FOXP2: variants seen among roughly 807,000 people sequenced by gnomAD.
The protein encoded by FOXP2 is forkhead box P2, also known as forkhead box protein P2.
A neutral mutation model predicts 115.8 loss-of-function variants in FOXP2; 12 were observed. That is an observed-to-expected ratio of 0.10 (90% CI 0.07 to 0.17). FOXP2 has a LOEUF of 0.17. Among genes scored for constraint, FOXP2 ranks in the 10% least tolerant of loss-of-function variants. The pLI is 1.00. For missense variants in FOXP2, 629 were observed against 843.5 expected (o/e 0.75, Z 3.15); for synonymous variants, 328 against 297.7 (o/e 1.10, Z -1.05).
intron 1 of FOXP2, among the ~76,000 whole-genome samples, chr7:114,237,764 A>G (rs1019581046): frequency 6.6e-6 from 1 of 152,064 alleles, no homozygotes; most frequent in Non-Finnish European, 1.5e-5. Context: ...ACTTGAGGCC[A>G]AGAGTTTGAG....
intron 2 of FOXP2, among the ~76,000 whole-genome samples, chr7:114,324,040 C>A (rs1045627295): frequency 1.3e-5 from 2 of 151,826 alleles, no homozygotes; most frequent in Admixed American, 1.3e-4. Context: ...ACTTTTAAAG[C>A]AAGAGATTGT....
At chr7:114,315,693 C>T (rs932925231) in intron 2 of FOXP2, among the ~76,000 whole-genome samples, 1 of 152,010 alleles carries the variant, frequency 6.6e-6, no homozygotes, top group African/African-American at 2.4e-5. Flanking sequence ...TCTGTGAAGT[C>T]ACCACAAACA....
intron 3 of FOXP2, among the ~76,000 whole-genome samples, chr7:114,594,092 G>GT (rs777104442): frequency 1.3e-4 from 19 of 151,862 alleles, no homozygotes; most frequent in Non-Finnish European, 2.7e-4. Context: ...AAAAATAACA[G>GT]TTGGTTTATT....
intron 2 of FOXP2, among the ~76,000 whole-genome samples, chr7:114,320,844 C>A (rs982682312): frequency 6.6e-6 from 1 of 152,076 alleles, no homozygotes; most frequent in Admixed American, 6.6e-5. Context: ...TTGAAGACTA[C>A]CAAAGACAGA....
chr7:114,255,464 G>A lies in FOXP2; in HGVS notation c.-101-32555G>A, dbSNP rs187411717. Among the ~76,000 whole-genome samples the A allele has an allele frequency of 2.5e-3, 381 of 152,282 alleles. 1 individual carries two copies. Among genetic ancestry groups the A allele is most frequent in the African/African-American group, 8.4e-3 (351 of 41,566 alleles). Reference sequence around the variant, plus strand: ...CCAGTTGGAGCTTCTGGGCTGCTTCGTTTACCTACTGAAGACTCAGCAACT... The same window carrying A: ...CCAGTTGGAGCTTCTGGGCTGCTTCATTTACCTACTGAAGACTCAGCAACT... On this transcript the variant is annotated intron_variant, in intron 1 of 17. Transcript: ENST00000634411.
At chr7:114,510,578 G>A (rs977345424) in intron 2 of FOXP2, among the ~76,000 whole-genome samples, 1 of 152,174 alleles carries the variant, frequency 6.6e-6, no homozygotes, top group African/African-American at 2.4e-5. Flanking sequence ...ATAGACAAAT[G>A]TGGTAATCTT....
intron 2 of FOXP2, among the ~76,000 whole-genome samples, chr7:114,325,890 G>T (rs1458784848): frequency 6.6e-6 from 1 of 152,052 alleles, no homozygotes; most frequent in Non-Finnish European, 1.5e-5. Context: ...TTTTCCAGAT[G>T]CTTAGACCTA....
intron 1 of FOXP2, among the ~76,000 whole-genome samples, chr7:114,126,703 G>A (rs1477257192): frequency 6.6e-6 from 1 of 152,082 alleles, no homozygotes; most frequent in East Asian, 1.9e-4. Context: ...TCAGTAACTG[G>A]CTTGGCTTAG....
chr7:114,679,052 C>T (rs1807931026), intron 16 of FOXP2, among the ~76,000 whole-genome samples: 1 of 152,120 alleles, frequency 6.6e-6, no homozygotes, highest in Non-Finnish European at 1.5e-5. Context: ...GCAACCTCCA[C>T]CTCCCAGGCT....
In FOXP2 at chr7:114,664,320, G is replaced by C. The variant is rs1382765208; in HGVS notation, c.1887G>C (p.Leu629=). Residue 629 remains leucine (L), a synonymous_variant, in exon 16 of 17, where the codon CTG becomes CTC. Transcript: ENST00000350908. ...TACCTTTGCTAAGTAATCCTGGACT[G>C]ATAAATAATGCATCCAGTGGCCTAC... is the stretch of plus-strand genomic sequence containing the variant. ...SSLPLLSNPG[L]INNASSGLLQ... 3 of 1,613,574 alleles carry C rather than the reference G, an allele frequency of 1.9e-6. No individual in the cohort carries two copies. Among genetic ancestry groups the C allele is most frequent in the Non-Finnish European group, 2.5e-6 (3 of 1,179,708 alleles).
At chr7:114,159,793 G>T (rs1474189391), upstream of FOXP2, among the ~76,000 whole-genome samples, 1 of 152,162 alleles carries the variant, frequency 6.6e-6, no homozygotes, top group Non-Finnish European at 1.5e-5. Context: ...ACTTGCAAAA[G>T]ACAGATTAAT....
At chr7:114,679,155 G>C (rs931813557) in intron 16 of FOXP2, among the ~76,000 whole-genome samples, 1 of 151,610 alleles carries the variant, frequency 6.6e-6, no homozygotes, top group Admixed American at 6.6e-5. Flanking sequence ...AGCAGAGATG[G>C]GGTTTCACCA....
chr7:114,603,091 T>A (rs932758415), intron 3 of FOXP2, among the ~76,000 whole-genome samples: 4 of 152,178 alleles, frequency 2.6e-5, no homozygotes, highest in Admixed American at 2.0e-4. Context: ...AGTTTTTTCT[T>A]ATGGAACATC....
At chr7:114,673,357 A>T (rs1807595349) in intron 16 of FOXP2, among the ~76,000 whole-genome samples, 1 of 152,232 alleles carries the variant, frequency 6.6e-6, no homozygotes, top group African/African-American at 2.4e-5. Flanking sequence ...CTTATCAATG[A>T]TGAAAGTAAT....
At chr7:114,122,232 T>C (rs1318140785) in intron 1 of FOXP2, among the ~76,000 whole-genome samples, 2 of 152,132 alleles carry the variant, frequency 1.3e-5, no homozygotes, top group African/African-American at 2.4e-5. Context: ...CTCCCATGAA[T>C]GCTTCAGTTG....
intron 2 of FOXP2, among the ~76,000 whole-genome samples, chr7:114,516,654 C>T (rs1798359120): frequency 6.6e-6 from 1 of 151,802 alleles, no homozygotes; most frequent in Non-Finnish European, 1.5e-5. Context: ...CACATCCTAA[C>T]CAATACTTGG....
chr7:114,197,107 A>G (rs1793932234), intron 1 of FOXP2, among the ~76,000 whole-genome samples: 1 of 152,140 alleles, frequency 6.6e-6, no homozygotes, highest in South Asian at 2.1e-4. Flanking sequence ...CTGAAGTGGG[A>G]GGATTGCTTG....
At chr7:114,388,920 A>T (rs1792521982) in intron 2 of FOXP2, among the ~76,000 whole-genome samples, 1 of 152,244 alleles carries the variant, frequency 6.6e-6, no homozygotes, top group African/African-American at 2.4e-5. Context: ...TTTAGAATGC[A>T]TCAGTAAAAT....
chr7:114,176,920 A>G (rs1447924764), intron 1 of FOXP2, among the ~76,000 whole-genome samples: 2 of 152,030 alleles, frequency 1.3e-5, no homozygotes, highest in African/African-American at 4.8e-5. Context: ...AGTATTGTCT[A>G]ATTTTGAACT....
Sources: gnomAD v4.1 joint callset for allele counts (sites outside exome capture counted in the v4.1 genomes callset) on GRCh38, gnomAD v4.1.1 for gene constraint, MANE v1.5 for transcripts, NCBI Gene and HGNC (gene_info 2026-07-23, HGNC 2026-07-21) for gene names.